LCT: variants seen among roughly 807,000 people sequenced by gnomAD.
LCT encodes lactase/phlorizin hydrolase.
Under a neutral mutation model 173.0 loss-of-function variants are expected in LCT, and 90 were observed. That is an observed-to-expected ratio of 0.52 (90% CI 0.44 to 0.62). The LOEUF is 0.62. LCT is among the 20% of genes least tolerant of loss of function. The pLI, the probability that LCT is intolerant of heterozygous loss-of-function variation, is 0.00. For synonymous variants in LCT, 853 were observed against 957.6 expected, an observed-to-expected ratio of 0.89 and a Z score of 2.02; for missense variants, 1,864 against 2,431.4, an observed-to-expected ratio of 0.77 and a Z score of 4.91.
chr2:135,817,670 T>G lies in LCT; in HGVS notation c.1378A>C (p.Ile460Leu). The G allele has an allele frequency of 6.2e-7, 1 of 1,613,842 alleles. No homozygotes were observed. The highest frequency in any genetic ancestry group is 8.5e-7 in the Non-Finnish European group (1 of 1,180,002). Residue 460 changes from isoleucine to leucine, a missense_variant, in exon 6 of 17, where the codon ATC becomes CTC. Coordinates refer to ENST00000264162, the MANE Select transcript of LCT (RefSeq NM_002299.4). Reference sequence around the variant, plus strand: ...CTGCTCCCGTGCCCCATGGGGAAGATCCGGGACCAGGAGATGGAGAACTTG... The same window carrying G: ...CTGCTCCCGTGCCCCATGGGGAAGAGCCGGGACCAGGAGATGGAGAACTTG... ...VYKFSISWSR[I>L]FPMGHGSSPS... is the part of the protein sequence containing the mutation.
chr2:135,800,293 C>T (rs550588339), intron 12 of LCT, among the ~76,000 whole-genome samples: 7 of 152,182 alleles, frequency 4.6e-5, no homozygotes, highest in African/African-American at 9.6e-5. Flanking sequence ...TTAATGGTGC[C>T]GAAATCATGG....
intron 7 of LCT, among the ~76,000 whole-genome samples, chr2:135,811,788 TA>T (rs531957702): frequency 2.4e-4 from 36 of 149,868 alleles, no homozygotes; most frequent in Middle Eastern, 3.5e-3. Context: ...TTCTAGGCAA[TA>T]AGGACACTGG....
chr2:135,836,908 T>C lies in LCT; in HGVS notation c.262A>G (p.Lys88Glu). The change falls in exon 1 of 17, where the codon AAG becomes GAG. Residue 88 changes from lysine (K) to glutamate (E), a missense_variant. By Grantham distance (56) the Lys-to-Glu change is moderately conservative. Coordinates refer to ENST00000264162, the MANE Select transcript of LCT (RefSeq NM_002299.4). ...AGCTGTGCCCATGACAGAAATACCT[T>C]ATAATGGGTGATCTGACTGGCATGG... The part of the protein sequence containing the change: ...SLHASQITHY[K>E]VFLSWAQLLP... The C allele has an allele frequency of 1.2e-6, 2 of 1,614,142 alleles. No homozygotes were observed. The highest frequency in any genetic ancestry group is 1.7e-6 in the Non-Finnish European group (2 of 1,180,014).
chr2:135,836,234 G>C (rs948922223), intron 1 of LCT, among the ~76,000 whole-genome samples: 2 of 151,834 alleles, frequency 1.3e-5, no homozygotes, highest in Non-Finnish European at 2.9e-5. Context: ...GGCCAGGCTG[G>C]TCTCGAACTC....
At position 135,809,914 on chromosome 2, in the gene LCT, G is replaced by GT. The variant is rs1558738542; in HGVS notation, c.2432dup (p.Tyr811Ter). 1 of 1,614,222 alleles carries GT rather than the reference G, an allele frequency of 6.2e-7. No individual in the cohort carries two copies. The highest frequency in any genetic ancestry group is 1.1e-5 in the South Asian group (1 of 91,078). Reference protein sequence around the residue: ...LIDGFEGPSGYSQRFGLHHVN... With the variant: ...LIDGFEGPSG ...CGTGGTGCAGGCCAAACCGCTGGCTGTAACCAGAAGGGCCTTCGAAGCCAT... is the reference window on the plus strand; with the variant it reads ...CGTGGTGCAGGCCAAACCGCTGGCTGTTAACCAGAAGGGCCTTCGAAGCCAT... Residue 811 changes from tyrosine (Y) to a stop codon, truncating the protein, a stop_gained and frameshift_variant, in exon 8 of 17, where the codon TAC becomes TAAC. Transcript: ENST00000264162. LOFTEE classifies it high-confidence loss of function. This position sits in a 1 kb window ranked among gnomAD's most constrained non-coding sequence, Gnocchi z 5.5.
At chr2:135,806,842 T>C (rs1558736515) in intron 9 of LCT, among the ~76,000 whole-genome samples, 1 of 152,212 alleles carries the variant, frequency 6.6e-6, no homozygotes, top group Non-Finnish European at 1.5e-5. Flanking sequence ...TGCGTGACTG[T>C]ATTTGTGTGT....
intron 4 of LCT, 99 bp downstream of exon 4, chr2:135,823,802 G>A: frequency 1.2e-6 from 1 of 807,036 alleles, no homozygotes; most frequent in South Asian, 1.4e-5. Flanking sequence ...TTCCTCCCAT[G>A]CTCCTCCTCC....
intron 12 of LCT, among the ~76,000 whole-genome samples, chr2:135,799,080 G>T (rs2077605403): frequency 6.6e-6 from 1 of 152,206 alleles, no homozygotes; most frequent in African/African-American, 2.4e-5. Context: ...AGTTCTGTGA[G>T]TCTGAAATGA....
chr2:135,830,380 C>A (rs547597385), intron 2 of LCT, among the ~76,000 whole-genome samples: 3 of 152,116 alleles, frequency 2.0e-5, no homozygotes, highest in Non-Finnish European at 2.9e-5. Context: ...TGCCAACACC[C>A]CCAGTGCTGC....
At chr2:135,824,740 C>T (rs2077869707) in intron 3 of LCT, among the ~76,000 whole-genome samples, 1 of 152,120 alleles carries the variant, frequency 6.6e-6, no homozygotes, top group African/African-American at 2.4e-5. Context: ...TGGTGGCTCA[C>T]GCCTATAATC....
intron 14 of LCT, among the ~76,000 whole-genome samples, chr2:135,791,954 G>A (rs1287953070): frequency 6.6e-6 from 1 of 152,206 alleles, no homozygotes; most frequent in East Asian, 1.9e-4. Context: ...ATTGTTAACT[G>A]TTGCTCCAAG....
rs747805112 is a variant in LCT at position 135,833,154 on chromosome 2, A to G, written c.677T>C (p.Ile226Thr). The stretch of plus-strand genomic sequence containing the variant: ...GGGTGGTTCTAGCAGGAGCTCCGGG[A>G]TATCTTCAGCTCGCAGGACAACAGA... ...KLSVVLRAEDIPELLLEPPIS... is the reference protein window; with the variant it reads ...KLSVVLRAEDTPELLLEPPIS... Residue 226 changes from isoleucine to threonine, a missense_variant, in exon 2 of 17, where the codon ATC becomes ACC. Coordinates refer to ENST00000264162, the MANE Select transcript of LCT (RefSeq NM_002299.4). 6.8e-5 allele frequency: 109 copies of G among 1,613,934 alleles called. 1 individual carries two copies. The South Asian group carries it at 1.1e-3, about 17-fold the overall frequency.
At chr2:135,829,035 A>G (rs986073546) in intron 3 of LCT, among the ~76,000 whole-genome samples, 2 of 152,138 alleles carry the variant, frequency 1.3e-5, no homozygotes, top group Non-Finnish European at 2.9e-5. Flanking sequence ...TACCAAAAAT[A>G]CAAAAATTAG....
At chr2:135,800,582 A>G (rs1208804657) in intron 12 of LCT, 25 bp downstream of exon 12, 2 of 1,576,036 alleles carry the variant, frequency 1.3e-6, no homozygotes, top group Non-Finnish European at 1.7e-6. Context: ...AAGAGTAAGA[A>G]CAAGCGCCCA....
At position 135,817,431 on chromosome 2, in the gene LCT, G is replaced by T. The variant is rs35476200; in HGVS notation, c.1617C>A (p.Thr539=). The change falls in exon 6 of 17, where the codon ACC becomes ACA. Residue 539 remains threonine, a synonymous_variant. Transcript: ENST00000264162. The part of the protein sequence containing the change: ...TFGDRVKLWV[T]FHEPWVMSYA... ...AGCTCATCACCCACGGCTCATGGAA[G>T]GTCACCCACAGCTTCACACGGTCCC... 6.2e-7 allele frequency: 1 copy of T among 1,614,136 alleles called. No homozygotes were observed. Among genetic ancestry groups the T allele is most frequent in the East Asian group, 2.2e-5 (1 of 44,862 alleles).
At chr2:135,802,017 T>C (rs1206769633) in intron 11 of LCT, among the ~76,000 whole-genome samples, 1 of 152,088 alleles carries the variant, frequency 6.6e-6, no homozygotes, top group East Asian at 1.9e-4. Flanking sequence ...TGGGGACCCA[T>C]TGTGATCATT....
chr2:135,814,648 C>T (rs562339253), intron 6 of LCT, among the ~76,000 whole-genome samples: 10 of 151,958 alleles, frequency 6.6e-5, no homozygotes, highest in Admixed American at 2.6e-4. Context: ...TCCAGAGTAG[C>T]TGGGACTACA....
chr2:135,788,030 G>GTTAA lies in LCT; in HGVS notation c.*290_*293dup. ...CAACTCTGAAACTTAAAACAGCCCT[G>GTTAA]TTAAGTTCAATTAAGTGGTTCACAG... On this transcript the variant is annotated 3_prime_UTR_variant, in exon 17 of 17. Coordinates refer to ENST00000264162, the MANE Select transcript of LCT (RefSeq NM_002299.4). The GTTAA allele has an allele frequency of 2.3e-6, 1 of 430,150 alleles. No homozygotes were observed. 26.6% of individuals were successfully genotyped at this position (430,150 alleles called of 1,614,324 possible).
chr2:135,829,516 C>A, intron 3 of LCT, 77 bp downstream of exon 3: 1 of 1,091,686 alleles, frequency 9.2e-7, no homozygotes, highest in Non-Finnish European at 1.4e-6. Context: ...ATGCAGTAGC[C>A]AAAGCATTAA....
Sources: gnomAD v4.1 joint callset for allele counts (sites outside exome capture counted in the v4.1 genomes callset) on GRCh38, gnomAD v4.1.1 for gene constraint, Gnocchi (gnomAD v3.1) non-coding constraint, MANE v1.5 for transcripts, NCBI Gene and HGNC (gene_info 2026-07-23, HGNC 2026-07-21) for gene names.